The following TBPL2 variants were observed in gnomAD, a reference collection of about 807,000 sequenced individuals.
TBPL2 encodes TATA-box binding protein like 2, also known as TATA box-binding protein-like 2.
In TBPL2, 40 loss-of-function variants were observed where a neutral mutation model predicts 38.2. The observed-to-expected ratio is 1.05, with a 90% CI of 0.81 to 1.36. The LOEUF (loss-of-function observed/expected upper bound fraction) is 1.36. Among genes scored for constraint, TBPL2 ranks in the 40% most tolerant of loss-of-function variants. The pLI, the probability that TBPL2 is intolerant of heterozygous loss-of-function variation, is 0.00. For missense variants in TBPL2, 461 were observed against 456.7 expected (o/e 1.01, Z -0.09); for synonymous variants, 169 against 171.7 (o/e 0.98, Z 0.12).
intron 6 of TBPL2, among the ~76,000 whole-genome samples, chr14:55,417,003 A>G (rs746876845): frequency 4.6e-5 from 7 of 152,234 alleles, no homozygotes; most frequent in Non-Finnish European, 1.0e-4. Context: ...AACTAAGAGC[A>G]TTGCATTCAA....
chr14:55,429,084 C>G (rs902198589), intron 4 of TBPL2, 110 bp from the exon 5 acceptor site: 30 of 1,352,244 alleles, frequency 2.2e-5, no homozygotes, highest in Non-Finnish European at 3.0e-5. Context: ...TCAATGTATA[C>G]TATGAAGCTG....
chr14:55,433,103 CTG>C (rs1885958082), intron 4 of TBPL2, among the ~76,000 whole-genome samples: 1 of 151,982 alleles, frequency 6.6e-6, no homozygotes, highest in Non-Finnish European at 1.5e-5. Context: ...ATAGGGGAAA[CTG>C]TAAAATGGGG....
chr14:55,429,313 A>T (rs1380917001), intron 4 of TBPL2, among the ~76,000 whole-genome samples: 1 of 152,216 alleles, frequency 6.6e-6, no homozygotes, highest in African/African-American at 2.4e-5. Context: ...TCACCTGGGA[A>T]CTTGTTAGAA....
chr14:55,436,627 G>A (rs1164442873), exon 2 of TBPL2: 16 of 1,614,208 alleles, frequency 9.9e-6, no homozygotes, highest in Non-Finnish European at 1.4e-5. Context: ...AGTTATGGAT[G>A]CCAGAGACAA....
At chr14:55,426,324 G>A (rs1239597358) in intron 5 of TBPL2, among the ~76,000 whole-genome samples, 1 of 151,928 alleles carries the variant, frequency 6.6e-6, no homozygotes, top group Admixed American at 6.6e-5. Flanking sequence ...TGACAACTGT[G>A]GAAATGATTA....
exon 5 of TBPL2, chr14:55,428,974 A>T: frequency 6.2e-7 from 1 of 1,613,970 alleles, no homozygotes; most frequent in South Asian, 1.1e-5. Flanking sequence ...ACTGCTCTTC[A>T]CTGGGGAGGG....
chr14:55,414,316 G>T, exon 7 of TBPL2: 1 of 1,239,090 alleles, frequency 8.1e-7, no homozygotes, highest in Non-Finnish European at 1.2e-6. Flanking sequence ...GAATCCAGCT[G>T]TTTCTGTGCT....
chr14:55,437,293 T>C (rs1167439915), intron 1 of TBPL2, among the ~76,000 whole-genome samples: 1 of 152,234 alleles, frequency 6.6e-6, no homozygotes, highest in Non-Finnish European at 1.5e-5. Context: ...GCCTGGCCAA[T>C]GTGGTGAAAC....
At chr14:55,435,713 C>A in intron 3 of TBPL2, 134 bp downstream of exon 3, 1 of 604,636 alleles carries the variant, frequency 1.7e-6, no homozygotes, top group Non-Finnish European at 2.8e-6. Context: ...AGATATTAAC[C>A]CTGAGTTGCC....
intron 2 of TBPL2, 46 bp from the exon 3 acceptor site, chr14:55,435,980 TAAA>T: frequency 3.8e-5 from 33 of 862,680 alleles, no homozygotes; most frequent in South Asian, 5.7e-5. Context: ...ATATAAAGAG[TAAA>T]AAAAAAAAAA....
At chr14:55,426,193 G>T (rs1312090550) in intron 5 of TBPL2, among the ~76,000 whole-genome samples, 4 of 151,778 alleles carry the variant, frequency 2.6e-5, no homozygotes, top group South Asian at 2.1e-4. Flanking sequence ...CTTGAACCCT[G>T]GGGGGTGGAG....
exon 1 of TBPL2, chr14:55,440,578 C>A (rs181202086): frequency 1.3e-6 from 2 of 1,559,982 alleles, no homozygotes; most frequent in East Asian, 4.5e-5. Flanking sequence ...GCGGGGCGGC[C>A]CTCGGCCCAG....
chr14:55,415,916 CAG>C (rs1169361023), intron 6 of TBPL2, among the ~76,000 whole-genome samples: 2 of 152,020 alleles, frequency 1.3e-5, no homozygotes, highest in African/African-American at 4.8e-5. Flanking sequence ...TAGTCATAAA[CAG>C]AAATGAAGTA....
exon 7 of TBPL2, chr14:55,414,231 C>G: frequency 6.5e-6 from 4 of 612,348 alleles, no homozygotes; most frequent in Non-Finnish European, 8.5e-6. Flanking sequence ...AATTTTTCTT[C>G]GTTTCTTAGG....
intron 6 of TBPL2, among the ~76,000 whole-genome samples, chr14:55,421,962 G>A (rs934934428): frequency 6.6e-6 from 1 of 152,102 alleles, no homozygotes; most frequent in Non-Finnish European, 1.5e-5. Flanking sequence ...ATTCTAGTTT[G>A]GAGGAATATA....
chr14:55,429,616 A>T lies in TBPL2; in HGVS notation c.789-642T>A, dbSNP rs765720061. Among the ~76,000 whole-genome samples the T allele has an allele frequency of 1.2e-4, 19 of 152,226 alleles. No individual in the cohort carries two copies. The South Asian group carries it at 1.7e-3, about 13-fold the overall frequency. On this transcript the variant is annotated intron_variant, in intron 4 of 6. Transcript: ENST00000247219. ...CTGTCTCTACTAAAAATACAAAAAA[A>T]TTAGCTGGACATGGTGGCGGGCACC... is the stretch of plus-strand genomic sequence containing the variant.
At chr14:55,432,628 T>G (rs990152667) in intron 4 of TBPL2, among the ~76,000 whole-genome samples, 3 of 152,174 alleles carry the variant, frequency 2.0e-5, no homozygotes, top group African/African-American at 7.2e-5. Flanking sequence ...ATCAAAGAAA[T>G]GTAAAACAAT....
chr14:55,432,110 T>TA (rs1885937501), intron 4 of TBPL2, among the ~76,000 whole-genome samples: 1 of 152,012 alleles, frequency 6.6e-6, no homozygotes, highest in South Asian at 2.1e-4. Flanking sequence ...TTGTGTTTTT[T>TA]AAAAAACCCA....
chr14:55,427,879 G>A (rs1299497581), intron 5 of TBPL2, among the ~76,000 whole-genome samples: 2 of 145,926 alleles, frequency 1.4e-5, no homozygotes, highest in East Asian at 4.0e-4. Context: ...AGTTAGGATT[G>A]CTTTTTTTTT....
Sources: allele counts gnomAD v4.1 joint callset (sites outside exome capture counted in the v4.1 genomes callset), GRCh38; gene constraint gnomAD v4.1.1; transcripts MANE v1.5; gene names NCBI Gene and HGNC (gene_info 2026-07-23, HGNC 2026-07-21).